The following ABCA13 variants were observed in gnomAD, a reference collection of about 807,000 sequenced individuals.
The protein encoded by ABCA13 is ATP-binding cassette sub-family A member 13.
ABCA13 carries 476 observed loss-of-function variants against 478.7 expected under a neutral mutation model. The ratio of observed to expected loss-of-function variants is 0.99; its 90% CI spans 0.92 to 1.07. The LOEUF (loss-of-function observed/expected upper bound fraction) is 1.07. ABCA13 is among the 50% of genes least tolerant of loss of function. The probability of loss-of-function intolerance (pLI) is 0.00; values close to 1 mark genes in which losing one functional copy is unlikely to be tolerated. For synonymous variants in ABCA13, 2,252 were observed against 2,158.9 expected (o/e 1.04, Z -1.20); for missense variants, 6,060 against 5,910.6 (o/e 1.03, Z -0.83).
chr7:48,316,396 G>T (rs1411909349), intron 26 of ABCA13, among the ~76,000 whole-genome samples: 1 of 152,062 alleles, frequency 6.6e-6, no homozygotes, highest in South Asian at 2.1e-4. Flanking sequence ...TTTTTGAATT[G>T]TCATTTTCAT....
intron 1 of ABCA13, among the ~76,000 whole-genome samples, chr7:48,191,747 A>G (rs1298669659): frequency 6.6e-6 from 1 of 152,138 alleles, no homozygotes; most frequent in African/African-American, 2.4e-5. Flanking sequence ...TATACCAGGG[A>G]TGGAAAAACT....
Position 48,245,864 on chromosome 7 carries a change from T to A in ABCA13, c.1493T>A (p.Met498Lys). ...TTCCCACTCTTATTAATCTTTTAGA[T>A]GTTGGCGAAGAATGCTGTCTGCCCG... ...KDVFFWELKQ[M>K]LAKNAVCPNG... is the part of the protein sequence containing the mutation. The change falls in exon 13 of 62, where the codon ATG becomes AAG. Residue 498 changes from methionine (M) to lysine (K), a missense_variant and splice_region_variant. This residue lies in a region of ABCA13 where 4,423 missense variants were observed against 4,309.1 expected (regional missense o/e 1.03). Transcript: ENST00000435803. 6.2e-7 allele frequency: 1 copy of A among 1,610,922 alleles called. No homozygotes were observed. The highest frequency in any genetic ancestry group is 1.1e-5 in the South Asian group (1 of 90,600).
intron 59 of ABCA13, among the ~76,000 whole-genome samples, chr7:48,637,338 A>G (rs1794720618): frequency 7.6e-6 from 1 of 131,880 alleles, no homozygotes; most frequent in East Asian, 2.4e-4. Flanking sequence ...GTAGCTTGCC[A>G]TGGCTTCTTC....
chr7:48,600,275 A>G (rs1790742621), intron 58 of ABCA13, among the ~76,000 whole-genome samples: 1 of 150,628 alleles, frequency 6.6e-6, no homozygotes, highest in Non-Finnish European at 1.5e-5. Context: ...ATATCTTTTC[A>G]TATTCTTTTA....
intron 31 of ABCA13, among the ~76,000 whole-genome samples, chr7:48,355,500 A>G (rs1206321210): frequency 6.6e-6 from 1 of 151,966 alleles, no homozygotes; most frequent in Non-Finnish European, 1.5e-5. Context: ...TTCGAGCAGG[A>G]GTGATGTCAT....
intron 41 of ABCA13, among the ~76,000 whole-genome samples, chr7:48,414,702 A>G (rs917062989): frequency 6.6e-6 from 1 of 151,938 alleles, no homozygotes; most frequent in East Asian, 1.9e-4. Flanking sequence ...TCCTGGGCTC[A>G]AGTGATCCTC....
At chr7:48,238,600 C>T (rs986584390) in intron 8 of ABCA13, among the ~76,000 whole-genome samples, 11 of 152,054 alleles carry the variant, frequency 7.2e-5, no homozygotes, top group African/African-American at 2.7e-4. Flanking sequence ...TCCTGAGTAG[C>T]TGGGACTACA....
At position 48,272,343 on chromosome 7, in the gene ABCA13, C is replaced by A. The variant is rs534252499; in HGVS notation, c.2677C>A (p.Arg893Ser). Residue 893 changes from arginine (R) to serine (S), a missense_variant, in exon 17 of 62, where the codon CGT becomes AGT. Physicochemically the swap from Arg to Ser is moderately radical, Grantham distance 110. Transcript: ENST00000435803. ...ACCAGCTATGAACATAGATTTTGTA[C>A]GTTTAAGTGAGGCTATAATAACTAG... is the stretch of plus-strand genomic sequence containing the variant. ...KSPAMNIDFV[R>S]LSEAIITSLH... 6.2e-7 allele frequency: 1 copy of A among 1,613,562 alleles called. No homozygotes were observed. The highest frequency in any genetic ancestry group is 1.3e-5 in the African/African-American group (1 of 74,884).
At chr7:48,283,305 C>T (rs574890016) in intron 19 of ABCA13, among the ~76,000 whole-genome samples, 2 of 152,026 alleles carry the variant, frequency 1.3e-5, no homozygotes. Flanking sequence ...TTGGGCAGAA[C>T]CAGCATGTCA....
intron 43 of ABCA13, among the ~76,000 whole-genome samples, chr7:48,457,209 G>A (rs1825772381): frequency 6.6e-6 from 1 of 151,694 alleles, no homozygotes; most frequent in Non-Finnish European, 1.5e-5. Flanking sequence ...TATTGAAGTT[G>A]AATATTTTCA....
At chr7:48,175,997 C>T (rs1217302344) in intron 1 of ABCA13, among the ~76,000 whole-genome samples, 1 of 152,166 alleles carries the variant, frequency 6.6e-6, no homozygotes, top group Non-Finnish European at 1.5e-5. Context: ...TAATATTGAA[C>T]AGAGCAGCTG....
intron 29 of ABCA13, among the ~76,000 whole-genome samples, chr7:48,345,289 C>T (rs1441242678): frequency 1.3e-5 from 2 of 152,154 alleles, no homozygotes; most frequent in South Asian, 2.1e-4. Context: ...TCAGAGTGTA[C>T]TTCATATATA....
intron 30 of ABCA13, 111 bp downstream of exon 30, chr7:48,350,930 C>G: frequency 9.0e-7 from 1 of 1,107,048 alleles, no homozygotes; most frequent in Non-Finnish European, 1.3e-6. Flanking sequence ...GAAAAGAAGT[C>G]CTTTCCAGAT....
At chr7:48,418,954 T>G (rs1441458141) in intron 41 of ABCA13, among the ~76,000 whole-genome samples, 1 of 152,210 alleles carries the variant, frequency 6.6e-6, no homozygotes, top group Non-Finnish European at 1.5e-5. Context: ...TTCTGCAGGC[T>G]GTACAGGAAA....
At chr7:48,625,871 A>C (rs1793615445) in intron 59 of ABCA13, among the ~76,000 whole-genome samples, 1 of 152,170 alleles carries the variant, frequency 6.6e-6, no homozygotes, top group Non-Finnish European at 1.5e-5. Context: ...TAGATGGGTG[A>C]AGTTGTTGGG....
chr7:48,282,718 C>T (rs937737568), intron 19 of ABCA13, among the ~76,000 whole-genome samples: 5 of 152,156 alleles, frequency 3.3e-5, no homozygotes, highest in South Asian at 2.1e-4. Context: ...TTGTAGATTA[C>T]GTGTTATTTC....
At chr7:48,408,250 G>A (rs905781172) in intron 39 of ABCA13, among the ~76,000 whole-genome samples, 1 of 152,036 alleles carries the variant, frequency 6.6e-6, no homozygotes, top group Non-Finnish European at 1.5e-5. Flanking sequence ...CCTGCTCCCT[G>A]CCCCGCCAGC....
At chr7:48,461,643 C>A (rs914561197) in intron 43 of ABCA13, among the ~76,000 whole-genome samples, 2 of 151,974 alleles carry the variant, frequency 1.3e-5, no homozygotes, top group East Asian at 3.9e-4. Context: ...TGGCCCCTCA[C>A]CCTGGGTGAA....
intron 43 of ABCA13, among the ~76,000 whole-genome samples, chr7:48,458,285 T>C (rs1326136349): frequency 6.6e-6 from 1 of 152,210 alleles, no homozygotes. Context: ...ATAGTCCTCC[T>C]GACTCCCTGT....
Sources: gnomAD v4.1 joint callset for allele counts (sites outside exome capture counted in the v4.1 genomes callset) on GRCh38, gnomAD v4.1.1 for gene constraint, gnomAD v4.1.1 regional missense constraint, MANE v1.5 for transcripts, NCBI Gene and HGNC (gene_info 2026-07-23, HGNC 2026-07-21) for gene names.